SLC9C1: variants seen among roughly 807,000 people sequenced by gnomAD.
SLC9C1 encodes solute carrier family 9 member C1, also known as sodium/hydrogen exchanger 10.
In SLC9C1, 97 loss-of-function variants were observed where a neutral mutation model predicts 140.9. The observed-to-expected ratio is 0.69, with a 90% CI of 0.58 to 0.82. The LOEUF (loss-of-function observed/expected upper bound fraction) is 0.82. SLC9C1 is among the 40% of genes least tolerant of loss of function. The pLI is 0.00. For synonymous variants in SLC9C1, 440 were observed against 442.6 expected (o/e 0.99, Z 0.07); for missense variants, 1,340 against 1,389.3 (o/e 0.96, Z 0.56).
chr3:112,262,587 T>C (rs1482694697), intron 10 of SLC9C1, among the ~76,000 whole-genome samples: 1 of 151,982 alleles, frequency 6.6e-6, no homozygotes, highest in Non-Finnish European at 1.5e-5. Flanking sequence ...TAAATGAGCC[T>C]CAGAAAGTTA....
chr3:112,249,967 G>T (rs1576445838), intron 10 of SLC9C1, among the ~76,000 whole-genome samples: 1 of 151,898 alleles, frequency 6.6e-6, no homozygotes, highest in Admixed American at 6.6e-5. Flanking sequence ...CAACGTGCAG[G>T]TTAGTTACAT....
At chr3:112,282,228 A>G (rs1302785276) in intron 2 of SLC9C1, among the ~76,000 whole-genome samples, 1 of 152,216 alleles carries the variant, frequency 6.6e-6, no homozygotes, top group Non-Finnish European at 1.5e-5. Flanking sequence ...AGGAGATGAA[A>G]CCTGTCTTTA....
intron 16 of SLC9C1, among the ~76,000 whole-genome samples, chr3:112,207,871 C>G (rs1053498159): frequency 6.6e-6 from 1 of 152,076 alleles, no homozygotes; most frequent in African/African-American, 2.4e-5. Context: ...ATAAAATGAA[C>G]CTTCAAGTAC....
intron 28 of SLC9C1, chr3:112,147,578 TTTC>T (rs1295089180): frequency 2.8e-6 from 1 of 360,718 alleles, no homozygotes; most frequent in African/African-American, 2.2e-5. Context: ...TGGTTGGAAT[TTTC>T]TTTCTTTCAG....
At chr3:112,235,929 T>C (rs1301941957) in intron 12 of SLC9C1, among the ~76,000 whole-genome samples, 2 of 152,238 alleles carry the variant, frequency 1.3e-5, no homozygotes, top group African/African-American at 4.8e-5. Context: ...TCTAAAATTC[T>C]TGTTTTTTGT....
intron 27 of SLC9C1, among the ~76,000 whole-genome samples, chr3:112,152,495 C>T (rs1028591606): frequency 1.3e-5 from 2 of 151,836 alleles, no homozygotes; most frequent in African/African-American, 4.8e-5. Context: ...TTCCCAGGGA[C>T]GAGCAGGAGA....
chr3:112,286,568 T>C, intron 2 of SLC9C1, 136 bp downstream of exon 2: 1 of 645,380 alleles, frequency 1.5e-6, no homozygotes, highest in Non-Finnish European at 2.5e-6. Context: ...TTCATTTGAT[T>C]GAAAATATTG....
chr3:112,140,953 G>A lies in SLC9C1; in HGVS notation c.*319C>T, dbSNP rs2074604433. ...TCATAAAGTGAACCAAACCATTATT[G>A]CTGTAAGAGCAATATGCAAAATATC... is the stretch of plus-strand genomic sequence containing the variant. On this transcript the variant is annotated 3_prime_UTR_variant, in exon 29 of 29. Transcript: ENST00000305815. 8.0e-6 allele frequency: 2 copies of A among 249,150 alleles called. No homozygotes were observed. The highest frequency in any genetic ancestry group is 1.5e-4 in the East Asian group (2 of 13,416). The allele number at this position is 249,150 out of a possible 1,614,324, so 15.4% of individuals were successfully genotyped here.
Position 112,286,607 on chromosome 3 carries a change from T to A in SLC9C1, c.88+97A>T. 6 of 1,027,798 alleles carry A rather than the reference T, an allele frequency of 5.8e-6. No homozygotes were observed. In the South Asian group the frequency reaches 5.9e-5, roughly 10 times the overall value. The allele number at this position is 1,027,798 out of a possible 1,614,324, so 63.7% of individuals were successfully genotyped here. A position where few individuals can be genotyped will look rare whatever the true frequency, so the allele number is the denominator to read the frequency against. On this transcript the variant is annotated intron_variant, in intron 2 of 28. Transcript: ENST00000305815. ...TAAAGGTATAAGTTTGAGAACAAAATTATATCCTATTACTTCTACTTTCCT... is the reference window on the plus strand; with the variant it reads ...TAAAGGTATAAGTTTGAGAACAAAAATATATCCTATTACTTCTACTTTCCT...
At chr3:112,170,608 T>C (rs139492601) in intron 23 of SLC9C1, among the ~76,000 whole-genome samples, 80 of 152,342 alleles carry the variant, frequency 5.3e-4, no homozygotes, top group African/African-American at 1.9e-3. Context: ...TTGACCTTTT[T>C]AGATAAATAT....
At chr3:112,190,928 A>AACACAC (rs56930611) in intron 20 of SLC9C1, among the ~76,000 whole-genome samples, 27,208 of 138,488 alleles carry the variant, frequency 0.2, 2,657 homozygotes, top group South Asian at 0.22. Context: ...ACTTTTTTTA[A>AACACAC]ACACACACAC....
rs570915948 is a variant in SLC9C1, at chr3:112,171,962, C to CTCTA, written c.2920-2638_2920-2635dup. ...GGATTCTCTTTTCTGTTGTATTGAT[C>CTCTA]TCTACATCTTAACCTAAAGCCAACA... On this transcript the variant is annotated intron_variant, in intron 23 of 28. Transcript: ENST00000305815. Among the ~76,000 whole-genome samples the CTCTA allele has an allele frequency of 1.2e-3, 186 of 152,264 alleles. 1 individual carries two copies. The highest frequency in any genetic ancestry group is 4.3e-3 in the African/African-American group (179 of 41,564).
Position 112,274,964 on chromosome 3 carries a change from T to C in SLC9C1, c.546A>G (p.Ser182=), listed in dbSNP as rs763977545. The change falls in exon 6 of 29, where the codon TCA becomes TCG. Residue 182 remains serine, a synonymous_variant. Transcript: ENST00000305815. ...CCATAATACTAGTAAATGTAATTAA[T>C]GATATAACAGAGGTCATCAGACTTT... ...NGESLMTSVI[S]LITFTSIMDF... 5 of 1,580,392 alleles carry C rather than the reference T, an allele frequency of 3.2e-6. No individual in the cohort carries two copies. The South Asian group carries it at 4.8e-5, about 15-fold the overall frequency.
intron 16 of SLC9C1, among the ~76,000 whole-genome samples, chr3:112,206,242 GA>G: frequency 6.6e-6 from 1 of 151,934 alleles, no homozygotes; most frequent in South Asian, 2.1e-4. Flanking sequence ...ATAGATGCAT[GA>G]AAAAATGCTC....
intron 4 of SLC9C1, among the ~76,000 whole-genome samples, chr3:112,278,455 T>C (rs528346917): frequency 9.2e-5 from 14 of 152,304 alleles, no homozygotes; most frequent in Admixed American, 2.6e-4. Context: ...AGCACTCTTG[T>C]AGCATTTCCG....
At chr3:112,271,400 T>TATATATATATATATATATATATATATAC in intron 6 of SLC9C1, among the ~76,000 whole-genome samples, 3 of 148,882 alleles carry the variant, frequency 2.0e-5, no homozygotes, top group Admixed American at 6.8e-5. Context: ...ATTGTATATA[T>TATATATATATATATATATATATATATAC]ATATATATAT....
chr3:112,225,620 C>G (rs934930113), intron 13 of SLC9C1, among the ~76,000 whole-genome samples: 6 of 152,036 alleles, frequency 3.9e-5, no homozygotes, highest in African/African-American at 1.4e-4. Context: ...AAGATACAGA[C>G]TGGCTGAATT....
chr3:112,167,107 A>G, intron 26 of SLC9C1, 114 bp downstream of exon 26: 1 of 1,190,002 alleles, frequency 8.4e-7, no homozygotes, highest in Non-Finnish European at 1.2e-6. Flanking sequence ...ATGGCAGTTA[A>G]AAGGATTCCT....
intron 20 of SLC9C1, among the ~76,000 whole-genome samples, chr3:112,198,311 A>G (rs1174493126): frequency 1.3e-5 from 2 of 151,934 alleles, no homozygotes; most frequent in African/African-American, 4.8e-5. Context: ...GAATTATTTT[A>G]TTAATCCTAC....
Sources: gnomAD v4.1 joint callset for allele counts (sites outside exome capture counted in the v4.1 genomes callset) on GRCh38, gnomAD v4.1.1 for gene constraint, MANE v1.5 for transcripts, NCBI Gene and HGNC (gene_info 2026-07-23, HGNC 2026-07-21) for gene names.